Variants in SPEF2 observed in about 807,000 individuals in gnomAD.
SPEF2 encodes sperm flagellar and cilia associated 2, also known as sperm flagella and cilia-associated protein 2.
A neutral mutation model predicts 224.6 loss-of-function variants in SPEF2; 187 were observed. The observed-to-expected ratio is 0.83, with a 90% CI of 0.74 to 0.94. The LOEUF (loss-of-function observed/expected upper bound fraction) is 0.94, where lower values mean the gene tolerates loss of function less well. Ranked by LOEUF, SPEF2 falls within the 40% of genes least tolerant of loss-of-function variation. The pLI is 0.00. For missense variants in SPEF2, 2,170 were observed against 2,135.6 expected (o/e 1.02, Z -0.32); for synonymous variants, 715 against 707.3 (o/e 1.01, Z -0.17).
chr5:35,739,894 G>A lies in SPEF2; in HGVS notation c.3064-25G>A, dbSNP rs376464973. The A allele has an allele frequency of 1.1e-5, 17 of 1,611,010 alleles. No individual in the cohort carries two copies. In the African/African-American group the frequency reaches 2.1e-4, roughly 20 times the overall value. On this transcript the variant is annotated intron_variant, in intron 21 of 36. Coordinates refer to ENST00000356031, the MANE Select transcript of SPEF2 (RefSeq NM_024867.4). Reference sequence around the variant, plus strand: ...GAAGAACTTTCATTTTGAAGTAACAGTTTCTACACTTTACCATTTAACAGG... The same window carrying A: ...GAAGAACTTTCATTTTGAAGTAACAATTTCTACACTTTACCATTTAACAGG...
Position 35,764,650 on chromosome 5 carries a change from T to C in SPEF2, c.3801+948T>C, listed in dbSNP as rs78834234. ...AAAGCAGCATCAACTTTCCAAAAGATTTTGTGAAAGTGGTAGAAGAGGACC... is the reference window on the plus strand; with the variant it reads ...AAAGCAGCATCAACTTTCCAAAAGACTTTGTGAAAGTGGTAGAAGAGGACC... On this transcript the variant is annotated intron_variant, in intron 26 of 36. Transcript: ENST00000356031. 390 of 456,204 alleles carry C rather than the reference T, an allele frequency of 8.5e-4. 5 individuals are homozygous for C. In the East Asian group the frequency reaches 0.02, roughly 24 times the overall value. The allele number at this position is 456,204 out of a possible 1,614,324, so 28.3% of individuals were successfully genotyped here. A position where few individuals can be genotyped will look rare whatever the true frequency, so the allele number is the denominator to read the frequency against.
chr5:35,788,533 G>A (rs1448718808), intron 30 of SPEF2: 1 of 702,404 alleles, frequency 1.4e-6, no homozygotes, highest in East Asian at 2.7e-5. Flanking sequence ...CAGGAAAGGT[G>A]CACTGTCAAA....
chr5:35,778,721 T>C (rs1345443947), intron 29 of SPEF2, among the ~76,000 whole-genome samples: 1 of 152,228 alleles, frequency 6.6e-6, no homozygotes, highest in Non-Finnish European at 1.5e-5. Context: ...GTAATTCTAA[T>C]AGTCATGTTT....
At chr5:35,728,163 A>G (rs770402474) in intron 21 of SPEF2, among the ~76,000 whole-genome samples, 1 of 152,238 alleles carries the variant, frequency 6.6e-6, no homozygotes, top group African/African-American at 2.4e-5. Flanking sequence ...CCTTCTATTC[A>G]TATTTTAATA....
chr5:35,739,182 A>C (rs1365911742), intron 21 of SPEF2, among the ~76,000 whole-genome samples: 2 of 152,170 alleles, frequency 1.3e-5, no homozygotes, highest in Non-Finnish European at 2.9e-5. Flanking sequence ...CTTTTTGAAG[A>C]GTCTTCTTAT....
intron 26 of SPEF2, among the ~76,000 whole-genome samples, chr5:35,765,299 G>T (rs533821491): frequency 5.3e-5 from 8 of 152,138 alleles, no homozygotes; most frequent in Admixed American, 4.6e-4. Flanking sequence ...GTATTGTGTT[G>T]CATTATATGA....
chr5:35,696,809 T>C (rs967019346), intron 14 of SPEF2, among the ~76,000 whole-genome samples: 3 of 152,086 alleles, frequency 2.0e-5, no homozygotes, highest in African/African-American at 7.2e-5. Flanking sequence ...GCACAGTTGG[T>C]CACCTTATGA....
chr5:35,685,264 G>A (rs984413880), intron 10 of SPEF2, among the ~76,000 whole-genome samples: 1 of 152,094 alleles, frequency 6.6e-6, no homozygotes, highest in Admixed American at 6.5e-5. Flanking sequence ...AACTTACTAT[G>A]AGTACTTTGG....
At chr5:35,729,479 G>T (rs538442868) in intron 21 of SPEF2, among the ~76,000 whole-genome samples, 72 of 152,290 alleles carry the variant, frequency 4.7e-4, no homozygotes, top group African/African-American at 1.7e-3. Flanking sequence ...ACGTACATTA[G>T]CCTCCCCAGG....
intron 16 of SPEF2, among the ~76,000 whole-genome samples, chr5:35,703,870 G>C (rs554117441): frequency 6.6e-6 from 1 of 152,116 alleles, no homozygotes; most frequent in African/African-American, 2.4e-5. Flanking sequence ...TCATTTGCTC[G>C]AACTCTATTA....
chr5:35,646,603 G>A (rs1747401143), intron 4 of SPEF2, 64 bp from the exon 5 acceptor site: 3 of 1,467,974 alleles, frequency 2.0e-6, no homozygotes, highest in Non-Finnish European at 2.8e-6. Flanking sequence ...TTGTACCTAT[G>A]AGTGTATTAT....
intron 20 of SPEF2, among the ~76,000 whole-genome samples, chr5:35,721,210 T>C (rs1287278538): frequency 6.6e-6 from 1 of 152,202 alleles, no homozygotes; most frequent in African/African-American, 2.4e-5. Flanking sequence ...AACCTTCAGC[T>C]TTTTCCTAAT....
At chr5:35,641,407 T>A (rs778663226) in intron 2 of SPEF2, 24 bp from the exon 3 acceptor site, 1 of 1,589,604 alleles carries the variant, frequency 6.3e-7, no homozygotes, top group Admixed American at 1.8e-5. Context: ...AATGTCTAAT[T>A]ATGTAAAATA....
At chr5:35,664,278 G>A (rs200425377) in intron 8 of SPEF2, among the ~76,000 whole-genome samples, 761 of 114,620 alleles carry the variant, frequency 6.6e-3, no homozygotes, top group Non-Finnish European at 8.0e-3. Context: ...ATGAAATAAA[G>A]AAAAAAAAAA....
At chr5:35,751,103 A>ACATACG (rs1749570271) in intron 23 of SPEF2, among the ~76,000 whole-genome samples, 1 of 106,604 alleles carries the variant, frequency 9.4e-6, no homozygotes, top group African/African-American at 3.7e-5. Context: ...ACACATATAT[A>ACATACG]TATATATATA....
chr5:35,683,111 A>G (rs551586975), intron 10 of SPEF2, among the ~76,000 whole-genome samples: 17 of 152,322 alleles, frequency 1.1e-4, no homozygotes, highest in Non-Finnish European at 2.4e-4. Flanking sequence ...CTAAAAAGAT[A>G]TGAGAGACTG....
chr5:35,692,636 A>C lies in SPEF2; in HGVS notation c.1811A>C (p.Asn604Thr). Residue 604 changes from asparagine to threonine, a missense_variant, in exon 12 of 37, where the codon AAT becomes ACT. Physicochemically the swap from Asn to Thr is moderately conservative, Grantham distance 65. Coordinates refer to ENST00000356031, the MANE Select transcript of SPEF2 (RefSeq NM_024867.4). ...GAAGCTATCCAAGCATTTCATGACA[A>C]TGAAAAAGTCAGTGAGGTTCTACCA... ...VQEAIQAFHD[N>T]EKVSEVLPIQ... 6.2e-7 allele frequency: 1 copy of C among 1,613,880 alleles called. No homozygotes were observed. Among genetic ancestry groups the C allele is most frequent in the Non-Finnish European group, 8.5e-7 (1 of 1,179,804 alleles).
chr5:35,757,275 A>T (rs1312682344), intron 24 of SPEF2, among the ~76,000 whole-genome samples: 2 of 152,096 alleles, frequency 1.3e-5, no homozygotes, highest in African/African-American at 4.8e-5. Flanking sequence ...AAAATAAATT[A>T]GTATTTTATA....
chr5:35,658,997 A>G (rs747346785), intron 7 of SPEF2, 22 bp from the exon 8 acceptor site: 4 of 1,497,396 alleles, frequency 2.7e-6, no homozygotes, highest in Non-Finnish European at 2.7e-6. Context: ...ACTTTAACAA[A>G]TAATTCCCCT....
Sources: gnomAD v4.1 joint callset for allele counts (sites outside exome capture counted in the v4.1 genomes callset) on GRCh38, gnomAD v4.1.1 for gene constraint, MANE v1.5 for transcripts, NCBI Gene and HGNC (gene_info 2026-07-23, HGNC 2026-07-21) for gene names.